The following FBXO9 variants were observed in gnomAD, a reference collection of about 807,000 sequenced individuals.
The protein encoded by FBXO9 is F-box only protein 9.
Under a neutral mutation model 63.7 loss-of-function variants are expected in FBXO9, and 43 were observed. The ratio of observed to expected loss-of-function variants is 0.67; its 90% CI spans 0.53 to 0.87. The LOEUF (loss-of-function observed/expected upper bound fraction) is 0.87. FBXO9 is among the 40% of genes least tolerant of loss of function. The pLI is 0.00. For missense variants in FBXO9, 442 were observed against 533.2 expected, an observed-to-expected ratio of 0.83 and a Z score of 1.68; for synonymous variants, 156 against 171.7, an observed-to-expected ratio of 0.91 and a Z score of 0.72.
chr6:53,098,118 G>A lies in FBXO9; in HGVS notation c.*288G>A. 3.1e-6 allele frequency: 1 copy of A among 324,182 alleles called. No individual in the cohort carries two copies. Among genetic ancestry groups the A allele is most frequent in the Non-Finnish European group, 6.6e-6 (1 of 152,376 alleles). 20.1% of individuals were successfully genotyped at this position (324,182 alleles called of 1,614,324 possible). On this transcript the variant is annotated 3_prime_UTR_variant, in exon 13 of 13. Transcript: ENST00000323557. ...AGTTGCTTAAGCATATTTATGTTGT[G>A]AGAAACCTTAATATGAGGTTTATCA...
chr6:53,080,976 A>T lies in FBXO9; in HGVS notation c.416A>T (p.Asp139Val). The T allele has an allele frequency of 6.2e-7, 1 of 1,613,712 alleles. No homozygotes were observed. Among genetic ancestry groups the T allele is most frequent in the African/African-American group, 1.3e-5 (1 of 75,054 alleles). ...GDGVGNSYIEDNDDDSKMADL... is the reference protein window; with the variant it reads ...GDGVGNSYIEVNDDDSKMADL... ...CACCTCCCTTTTTTCAGCATTGAAG[A>T]TAATGATGATGACAGCAAAATGGCA... The change falls in exon 6 of 13, where the codon GAT becomes GTT. Residue 139 changes from aspartate to valine, a missense_variant. Transcript: ENST00000323557.
At position 53,076,487 on chromosome 6, in the gene FBXO9, C is replaced by A; in HGVS notation, c.251C>A (p.Ala84Asp). The stretch of plus-strand genomic sequence containing the variant: ...AATTTTTACTTTATATTTTTATAGG[C>A]TCGAGAACTCTTCCTAAAAGCAGTA... ...GKQEQAKEEK[A>D]RELFLKAVEE... is the part of the protein sequence containing the mutation. Residue 84 changes from alanine (A) to aspartate (D), a missense_variant and splice_region_variant, in exon 4 of 13, where the codon GCT (alanine) becomes GAT (aspartate). By Grantham distance (126) the Ala-to-Asp change is moderately radical. Around this residue, in one of 2 missense-constraint regions of FBXO9, gnomAD observed 180 missense variants for 171.1 expected, o/e 1.05. Transcript: ENST00000323557. 1 of 1,539,224 alleles carries A rather than the reference C, an allele frequency of 6.5e-7. No homozygotes were observed. Among genetic ancestry groups the A allele is most frequent in the Non-Finnish European group, 8.7e-7 (1 of 1,151,974 alleles).
At chr6:53,076,647 T>C (rs1769121837) in intron 4 of FBXO9, 104 bp downstream of exon 4, 1 of 814,806 alleles carries the variant, frequency 1.2e-6, no homozygotes, top group Non-Finnish European at 1.8e-6. Flanking sequence ...GAACATCACT[T>C]TTCTTAATAC....
At chr6:53,067,979 A>G (rs1027760730) in intron 1 of FBXO9, 2 of 152,128 alleles carry the variant, frequency 1.3e-5, no homozygotes, top group Non-Finnish European at 2.9e-5. Flanking sequence ...CTCTGCTTTG[A>G]GTCTGCTTGC....
rs994239281 is a variant in FBXO9 at position 53,071,235 on chromosome 6, T to G, written c.90+92T>G. On this transcript the variant is annotated intron_variant, in intron 2 of 12. Coordinates refer to ENST00000323557, the MANE Select transcript of FBXO9 (RefSeq NM_033480.3). ...ATAATCATGGGTATTTGTAGGTTATTACTGTTTGCATGGAATTTAACTGTT... is the reference window on the plus strand; with the variant it reads ...ATAATCATGGGTATTTGTAGGTTATGACTGTTTGCATGGAATTTAACTGTT... 40 of 1,231,122 alleles carry G rather than the reference T, an allele frequency of 3.2e-5. 1 individual carries two copies. The highest frequency in any genetic ancestry group is 4.4e-5 in the Non-Finnish European group (39 of 883,046). 76.3% of individuals were successfully genotyped at this position (1,231,122 alleles called of 1,614,324 possible).
chr6:53,094,057 C>CA (rs1277744246), intron 11 of FBXO9, 79 bp downstream of exon 11: 94 of 735,560 alleles, frequency 1.3e-4, no homozygotes, highest in South Asian at 3.5e-4. Context: ...AGAACAACAA[C>CA]AAAAAAAACC....
intron 4 of FBXO9, among the ~76,000 whole-genome samples, chr6:53,077,994 T>C (rs1769177862): frequency 6.6e-6 from 1 of 152,288 alleles, no homozygotes; most frequent in East Asian, 1.9e-4. Context: ...CTAGGAAATT[T>C]GTAAAAAATA....
At chr6:53,070,960 T>C (rs1768894912) in intron 1 of FBXO9, 97 bp from the exon 2 acceptor site, 1 of 1,530,546 alleles carries the variant, frequency 6.5e-7, no homozygotes, top group Non-Finnish European at 8.8e-7. Context: ...GTTGACAGTA[T>C]GGTACTAAAT....
At chr6:53,080,364 C>T (rs559053791) in intron 5 of FBXO9, among the ~76,000 whole-genome samples, 6 of 150,828 alleles carry the variant, frequency 4.0e-5, no homozygotes, top group South Asian at 4.2e-4. Context: ...TTTCTAACTT[C>T]GCCTTCATCC....
At position 53,076,508 on chromosome 6, in the gene FBXO9, CAGT is replaced by C. The variant is rs1769114202; in HGVS notation, c.275_277del (p.Val92del). The C allele has an allele frequency of 6.5e-7, 1 of 1,543,180 alleles. No homozygotes were observed. The highest frequency in any genetic ancestry group is 1.4e-5 in the African/African-American group (1 of 70,196). On this transcript the variant is annotated inframe_deletion, in exon 4 of 13. Coordinates refer to ENST00000323557, the MANE Select transcript of FBXO9 (RefSeq NM_033480.3). ...TAGGCTCGAGAACTCTTCCTAAAAG[CAGT>C]AGAAGAAGAACAAAATGGAGCTCTC... is the stretch of plus-strand genomic sequence containing the variant.
intron 1 of FBXO9, among the ~76,000 whole-genome samples, chr6:53,068,330 G>A (rs912417119): frequency 1.3e-5 from 2 of 152,134 alleles, no homozygotes; most frequent in African/African-American, 4.8e-5. Flanking sequence ...GTAGGATTTA[G>A]TTTAATTTAG....
At chr6:53,082,433 G>A in intron 6 of FBXO9, 71 bp from the exon 7 acceptor site, 10 of 971,466 alleles carry the variant, frequency 1.0e-5, no homozygotes, top group Non-Finnish European at 1.3e-5. Context: ...AGGTATAAAT[G>A]TACTGGGAAT....
intron 11 of FBXO9, among the ~76,000 whole-genome samples, chr6:53,095,294 A>G (rs193070229): frequency 1.3e-5 from 2 of 151,894 alleles, no homozygotes; most frequent in East Asian, 3.9e-4. Flanking sequence ...TGAGGTTATT[A>G]TGATGATTAA....
At chr6:53,095,752 C>A in intron 12 of FBXO9, 88 bp downstream of exon 12, 2 of 1,313,750 alleles carry the variant, frequency 1.5e-6, no homozygotes, top group Non-Finnish European at 2.1e-6. Context: ...TTTCTAATTT[C>A]TCAGAGTTAA....
chr6:53,098,256 A>T lies in FBXO9; in HGVS notation c.*426A>T. 1.1e-5 allele frequency: 3 copies of T among 263,104 alleles called. No individual in the cohort carries two copies. The highest frequency in any genetic ancestry group is 2.6e-5 in the Non-Finnish European group (3 of 116,370). 16.3% of individuals were successfully genotyped at this position (263,104 alleles called of 1,614,324 possible). On this transcript the variant is annotated 3_prime_UTR_variant, in exon 13 of 13. Coordinates refer to ENST00000323557, the MANE Select transcript of FBXO9 (RefSeq NM_033480.3). The stretch of plus-strand genomic sequence containing the variant: ...GAGCGCTCCACTGGATAAGCATTTT[A>T]TTTCCCGCATGGCATAATGTTTTTG...
intron 1 of FBXO9, among the ~76,000 whole-genome samples, chr6:53,068,637 AATAT>A (rs10667878): frequency 2.3e-4 from 33 of 142,422 alleles, no homozygotes; most frequent in Non-Finnish European, 1.8e-4. Context: ...CATCTTACGG[AATAT>A]ATATATATAT....
rs148702747 is a variant in FBXO9, at chr6:53,073,747, C to T, written c.249+108C>T. The T allele has an allele frequency of 2.5e-5, 23 of 907,456 alleles. No homozygotes were observed. In the East Asian group the frequency reaches 5.8e-4, roughly 23 times the overall value. 56.2% of individuals were successfully genotyped at this position (907,456 alleles called of 1,614,324 possible). The stretch of plus-strand genomic sequence containing the variant: ...TATAACCAGACTTTCGGGACATAAA[C>T]ACATATCTTGTAAAATAAAAATTTT... On this transcript the variant is annotated intron_variant, in intron 3 of 12. Coordinates refer to ENST00000323557, the MANE Select transcript of FBXO9 (RefSeq NM_033480.3).
chr6:53,091,280 G>A (rs1396072003), intron 7 of FBXO9: 3 of 152,166 alleles, frequency 2.0e-5, no homozygotes, highest in African/African-American at 7.2e-5. Context: ...AACAAACCCT[G>A]AATATTTTAA....
At chr6:53,090,481 C>T (rs1244705195) in intron 7 of FBXO9, among the ~76,000 whole-genome samples, 2 of 152,200 alleles carry the variant, frequency 1.3e-5, no homozygotes, top group East Asian at 1.9e-4. Context: ...CCCACTCCCA[C>T]TGCTTAATTT....
Sources: gnomAD v4.1 joint callset for allele counts (sites outside exome capture counted in the v4.1 genomes callset) on GRCh38, gnomAD v4.1.1 for gene constraint, gnomAD v4.1.1 regional missense constraint, MANE v1.5 for transcripts, NCBI Gene and HGNC (gene_info 2026-07-23, HGNC 2026-07-21) for gene names.